NUP93: variants seen among roughly 807,000 people sequenced by gnomAD.
NUP93 encodes the protein nuclear pore complex protein Nup93.
A neutral mutation model predicts 107.8 loss-of-function variants in NUP93; 55 were observed. That is an observed-to-expected ratio of 0.51 (90% CI 0.41 to 0.64). The LOEUF (loss-of-function observed/expected upper bound fraction) is 0.64, where lower values mean the gene tolerates loss of function less well. Ranked by LOEUF, NUP93 falls within the 30% of genes least tolerant of loss-of-function variation. NUP93 has a pLI of 0.00. For synonymous variants in NUP93, 390 were observed against 397.5 expected (o/e 0.98, Z 0.22); for missense variants, 937 against 1,044.7 (o/e 0.90, Z 1.42).
chr16:56,794,808 G>T (rs1962854702), intron 3 of NUP93, among the ~76,000 whole-genome samples: 1 of 151,534 alleles, frequency 6.6e-6, no homozygotes, highest in Non-Finnish European at 1.5e-5. Flanking sequence ...GGCGCCTGTA[G>T]TCCCAGCTAC....
At chr16:56,818,495 AGT>A (rs1273239009) in intron 5 of NUP93, among the ~76,000 whole-genome samples, 167 bp from the exon 6 acceptor site, 1 of 152,202 alleles carries the variant, frequency 6.6e-6, no homozygotes, top group Non-Finnish European at 1.5e-5. Context: ...TCATAGTAAA[AGT>A]TGCATGTTAT....
At chr16:56,750,244 G>C (rs1170519835) in intron 2 of NUP93, among the ~76,000 whole-genome samples, 1 of 152,104 alleles carries the variant, frequency 6.6e-6, no homozygotes, top group Non-Finnish European at 1.5e-5. Flanking sequence ...ATGGGCATAG[G>C]GTGGGGCAGG....
At chr16:56,792,904 C>T (rs897980398) in intron 3 of NUP93, among the ~76,000 whole-genome samples, 2 of 152,076 alleles carry the variant, frequency 1.3e-5, no homozygotes, top group Non-Finnish European at 1.5e-5. Context: ...TCTTGAGAGC[C>T]GGAACTATGT....
intron 3 of NUP93, among the ~76,000 whole-genome samples, chr16:56,758,878 C>G (rs983001706): frequency 6.6e-6 from 1 of 152,168 alleles, no homozygotes; most frequent in Non-Finnish European, 1.5e-5. Context: ...CAATTCCAAC[C>G]TGCACTTTTT....
At chr16:56,838,490 A>G (rs1456881425) in intron 18 of NUP93, among the ~76,000 whole-genome samples, 1 of 152,228 alleles carries the variant, frequency 6.6e-6, no homozygotes, top group Admixed American at 6.5e-5. Context: ...TGGCTGTTTC[A>G]AAATAAACAC....
intron 9 of NUP93, among the ~76,000 whole-genome samples, chr16:56,829,479 A>G (rs1963735856): frequency 6.6e-6 from 1 of 152,146 alleles, no homozygotes; most frequent in Non-Finnish European, 1.5e-5. Context: ...AGTTTTTAGG[A>G]TGTGGTCTCT....
Position 56,837,764 on chromosome 16 carries a change from C to A in NUP93, c.2018+38C>A, listed in dbSNP as rs73557748. The A allele has an allele frequency of 4.4e-4, 671 of 1,523,224 alleles. 2 individuals are homozygous for A. In the African/African-American group the frequency reaches 8.1e-3, roughly 18 times the overall value. 94.4% of individuals were successfully genotyped at this position (1,523,224 alleles called of 1,614,324 possible). On this transcript the variant is annotated intron_variant, in intron 18 of 21. Transcript: ENST00000308159. ...CTGGCTCCATGGGACCCTGAGGGTG[C>A]CACTGCCAGTGCCAGGCCACCTATG...
chr16:56,773,215 A>G (rs1216586237), intron 3 of NUP93, among the ~76,000 whole-genome samples: 1 of 152,268 alleles, frequency 6.6e-6, no homozygotes, highest in Non-Finnish European at 1.5e-5. Flanking sequence ...GAAACTGACC[A>G]AGGAAAAGAA....
chr16:56,827,220 A>C (rs1281484258), intron 8 of NUP93, among the ~76,000 whole-genome samples: 1 of 152,144 alleles, frequency 6.6e-6, no homozygotes, highest in Non-Finnish European at 1.5e-5. Context: ...TACATTAACC[A>C]CATATTTGGG....
chr16:56,782,680 C>T (rs1283501885), intron 3 of NUP93: 2 of 151,858 alleles, frequency 1.3e-5, no homozygotes, highest in African/African-American at 4.8e-5. Context: ...TTGTTTGTGT[C>T]TGTGGTGTGT....
intron 8 of NUP93, among the ~76,000 whole-genome samples, chr16:56,828,288 C>CA (rs1360228524): frequency 6.7e-6 from 1 of 149,800 alleles, no homozygotes; most frequent in African/African-American, 2.5e-5. Flanking sequence ...AGTGGCTTGA[C>CA]AATTATATTT....
intron 1 of NUP93, among the ~76,000 whole-genome samples, chr16:56,734,285 G>A (rs547816052): frequency 2.6e-5 from 4 of 152,306 alleles, no homozygotes; most frequent in African/African-American, 9.6e-5. Flanking sequence ...GGTTAGCTAG[G>A]TAGGTATTTT....
Position 56,748,334 on chromosome 16 carries a change from G to A in NUP93, c.87G>A (p.Val29=), listed in dbSNP as rs2144457653. 6.2e-7 allele frequency: 1 copy of A among 1,614,050 alleles called. No individual in the cohort carries two copies. Among genetic ancestry groups the A allele is most frequent in the Non-Finnish European group, 8.5e-7 (1 of 1,179,984 alleles). Residue 29 remains valine, a synonymous_variant, in exon 2 of 22, where the codon GTG becomes GTA. Coordinates refer to ENST00000308159, the MANE Select transcript of NUP93 (RefSeq NM_014669.5). ...AGGGCATCTCAGAGCTTCCCCATGTGGAACGGAACTTACAGGAGATCCAGC... is the reference window on the plus strand; with the variant it reads ...AGGGCATCTCAGAGCTTCCCCATGTAGAACGGAACTTACAGGAGATCCAGC... ...ETEGISELPH[V]ERNLQEIQQA...
intron 18 of NUP93, 21 bp from the exon 19 acceptor site, chr16:56,838,931 C>T: frequency 1.3e-6 from 2 of 1,529,820 alleles, no homozygotes; most frequent in Non-Finnish European, 1.8e-6. Flanking sequence ...TTACTACCCC[C>T]ACCCCGTTTT....
intron 7 of NUP93, among the ~76,000 whole-genome samples, 170 bp from the exon 8 acceptor site, chr16:56,823,537 C>A (rs577810721): frequency 6.6e-6 from 1 of 152,266 alleles, no homozygotes; most frequent in South Asian, 2.1e-4. Flanking sequence ...GAAGTCTGGC[C>A]AGCAGAGACG....
chr16:56,821,182 C>T (rs1410644531), intron 6 of NUP93, among the ~76,000 whole-genome samples: 1 of 152,210 alleles, frequency 6.6e-6, no homozygotes, highest in African/African-American at 2.4e-5. Context: ...TATTAGGAAG[C>T]AGCAGCCAGA....
In NUP93 at chr16:56,837,624, T is replaced by C; in HGVS notation, c.1916T>C (p.Leu639Pro). ...YDLAKNADKV[L>P]ELMNKLLSPV... is the part of the protein sequence containing the mutation. ...CTTGAGCAGAATGCTGACAAGGTAC[T>C]GGAGCTGATGAACAAACTGCTGAGC... is the stretch of plus-strand genomic sequence containing the variant. Residue 639 changes from leucine to proline, a missense_variant, in exon 18 of 22, where the codon CTG becomes CCG. Leu to Pro is a moderately conservative substitution (Grantham distance 98). Transcript: ENST00000308159. 6.2e-7 allele frequency: 1 copy of C among 1,614,012 alleles called. No homozygotes were observed.
chr16:56,763,483 T>TGTGTGTGTGTGTGTGGGTGG (rs1345092890), intron 3 of NUP93, among the ~76,000 whole-genome samples: 3 of 149,774 alleles, frequency 2.0e-5, no homozygotes, highest in Non-Finnish European at 3.0e-5. Context: ...AGGAACTGCT[T>TGTGTGTGTGTGTGTGGGTGG]GTGTGTGTGT....
intron 5 of NUP93, among the ~76,000 whole-genome samples, chr16:56,811,244 C>T (rs1196647784): frequency 6.6e-6 from 1 of 152,160 alleles, no homozygotes; most frequent in Non-Finnish European, 1.5e-5. Flanking sequence ...GTGAGAATTC[C>T]ATTTGTTCCA....
Sources: allele counts gnomAD v4.1 joint callset (sites outside exome capture counted in the v4.1 genomes callset), GRCh38; gene constraint gnomAD v4.1.1; transcripts MANE v1.5; gene names NCBI Gene and HGNC (gene_info 2026-07-23, HGNC 2026-07-21).